PARVA: variants seen among roughly 807,000 people sequenced by gnomAD.
PARVA encodes the protein alpha-parvin.
In PARVA, 25 loss-of-function variants were observed where a neutral mutation model predicts 52.6. The observed-to-expected ratio is 0.48, with a 90% confidence interval of 0.35 to 0.66. PARVA has a LOEUF of 0.66. Ranked by LOEUF, PARVA falls within the 30% of genes least tolerant of loss-of-function variation. The probability of loss-of-function intolerance (pLI) is 0.01; values close to 1 mark genes in which losing one functional copy is unlikely to be tolerated. For synonymous variants in PARVA, 185 were observed against 179.1 expected (o/e 1.03, Z -0.26); for missense variants, 373 against 450.9 (o/e 0.83, Z 1.56).
intron 5 of PARVA, among the ~76,000 whole-genome samples, 170 bp downstream of exon 5, chr11:12,496,768 C>T (rs554010154): frequency 1.3e-5 from 2 of 152,342 alleles, no homozygotes; most frequent in South Asian, 2.1e-4. Context: ...AAGTTCCATC[C>T]ATACCCTTGG....
intron 1 of PARVA, among the ~76,000 whole-genome samples, chr11:12,392,239 G>A (rs1939668580): frequency 6.7e-6 from 1 of 149,680 alleles, no homozygotes. Context: ...TTTCATCTAT[G>A]TTGTAGCATG....
intron 1 of PARVA, among the ~76,000 whole-genome samples, chr11:12,400,543 T>C (rs1589943174): frequency 6.6e-6 from 1 of 152,340 alleles, no homozygotes; most frequent in East Asian, 1.9e-4. Context: ...TTGATGGTCC[T>C]TGTCTTTAGA....
intron 1 of PARVA, among the ~76,000 whole-genome samples, chr11:12,413,491 A>G (rs1326939402): frequency 2.0e-5 from 3 of 152,226 alleles, no homozygotes; most frequent in African/African-American, 4.8e-5. Flanking sequence ...GCAAATGAAA[A>G]TACAGAGGGA....
At chr11:12,394,871 C>T (rs190048993) in intron 1 of PARVA, among the ~76,000 whole-genome samples, 52 of 152,260 alleles carry the variant, frequency 3.4e-4, no homozygotes, top group Middle Eastern at 3.4e-3. Context: ...GTGGGCAGAT[C>T]ACCTGTGGTC....
chr11:12,393,044 G>GAAAAAAAAAAAAAAAAAAAAAAAAA (rs60966710), intron 1 of PARVA, among the ~76,000 whole-genome samples: 7 of 46,124 alleles, frequency 1.5e-4, no homozygotes, highest in Admixed American at 2.6e-4. Context: ...CCCAAATTGT[G>GAAAAAAAAAAAAAAAAAAAAAAAAA]AAAAAAAAAA....
intron 12 of PARVA, among the ~76,000 whole-genome samples, chr11:12,525,947 G>C (rs945569780): frequency 6.6e-6 from 1 of 152,134 alleles, no homozygotes; most frequent in African/African-American, 2.4e-5. Flanking sequence ...GTTCCCCCAA[G>C]CCCTGGGCCC....
intron 6 of PARVA, among the ~76,000 whole-genome samples, chr11:12,507,480 A>T (rs753805409): frequency 3.3e-5 from 5 of 152,190 alleles, no homozygotes; most frequent in Non-Finnish European, 5.9e-5. Flanking sequence ...TGGCACTCAG[A>T]GCTGCCCCCT....
chr11:12,462,757 A>G (rs2135025374), intron 1 of PARVA, among the ~76,000 whole-genome samples: 1 of 152,334 alleles, frequency 6.6e-6, no homozygotes, highest in Non-Finnish European at 1.5e-5. Context: ...CACTTGTACT[A>G]GTGAGACAGA....
intron 8 of PARVA, among the ~76,000 whole-genome samples, chr11:12,512,211 T>C (rs1941511437): frequency 6.6e-6 from 1 of 152,198 alleles, no homozygotes; most frequent in South Asian, 2.1e-4. Flanking sequence ...GCTCTAATTG[T>C]CTCGTGGAAA....
intron 12 of PARVA, among the ~76,000 whole-genome samples, chr11:12,522,329 A>C (rs1422495684): frequency 6.6e-6 from 1 of 152,236 alleles, no homozygotes; most frequent in African/African-American, 2.4e-5. Flanking sequence ...TCTGCAAAAA[A>C]GCAAGTGTAA....
intron 4 of PARVA, 119 bp from the exon 5 acceptor site, chr11:12,496,339 G>A: frequency 1.3e-5 from 5 of 396,212 alleles, no homozygotes; most frequent in South Asian, 4.9e-5. Flanking sequence ...AGTATCTATT[G>A]TTGCAAGAGT....
At chr11:12,517,777 A>C (rs1941589082) in intron 11 of PARVA, 66 bp downstream of exon 11, 4 of 1,098,766 alleles carry the variant, frequency 3.6e-6, no homozygotes, top group Non-Finnish European at 4.1e-6. Flanking sequence ...GCCCACACCC[A>C]TGCTGGGGCT....
At chr11:12,413,250 A>G (rs1940017714) in intron 1 of PARVA, among the ~76,000 whole-genome samples, 1 of 152,346 alleles carries the variant, frequency 6.6e-6, no homozygotes, top group Admixed American at 6.5e-5. Context: ...TAGAAATCAG[A>G]TTCTGTCCAG....
chr11:12,439,964 C>T (rs1190846224), intron 1 of PARVA, among the ~76,000 whole-genome samples: 1 of 152,176 alleles, frequency 6.6e-6, no homozygotes, highest in Non-Finnish European at 1.5e-5. Flanking sequence ...ATTCCCATCG[C>T]CCTATTCTGC....
chr11:12,422,454 C>T (rs1002709002), intron 1 of PARVA, among the ~76,000 whole-genome samples: 1 of 152,224 alleles, frequency 6.6e-6, no homozygotes, highest in African/African-American at 2.4e-5. Context: ...TACAATGCCC[C>T]TGGCAGTAGT....
intron 1 of PARVA, among the ~76,000 whole-genome samples, chr11:12,420,346 T>C (rs531015149): frequency 1.3e-5 from 2 of 152,326 alleles, no homozygotes; most frequent in African/African-American, 4.8e-5. Flanking sequence ...GGGAACTTCA[T>C]GAATGAGATG....
At chr11:12,396,579 A>G (rs76176524) in intron 1 of PARVA, among the ~76,000 whole-genome samples, 3,094 of 152,306 alleles carry the variant, frequency 0.02, 114 homozygotes, top group African/African-American at 0.071. Context: ...GATGAAAGGA[A>G]TTGATACTTG....
intron 1 of PARVA, among the ~76,000 whole-genome samples, chr11:12,428,442 C>T (rs769692287): frequency 8.5e-5 from 13 of 152,186 alleles, no homozygotes; most frequent in Non-Finnish European, 1.8e-4. Flanking sequence ...TAAGCCAGGA[C>T]AGGGCTGGGG....
chr11:12,457,520 T>C (rs11022360), intron 1 of PARVA, among the ~76,000 whole-genome samples: 45,376 of 152,138 alleles, frequency 0.3, 7,067 homozygotes, highest in Middle Eastern at 0.36. Context: ...CTTCCTCCAT[T>C]GCTGCCTCAG....
Sources: allele counts gnomAD v4.1 joint callset (sites outside exome capture counted in the v4.1 genomes callset), GRCh38; gene constraint gnomAD v4.1.1; transcripts MANE v1.5; gene names NCBI Gene and HGNC (gene_info 2026-07-23, HGNC 2026-07-21).